Variants in XKR4 observed in about 807,000 individuals in gnomAD.
The protein encoded by XKR4 is XK-related protein 4.
In XKR4, 12 loss-of-function variants were observed where a neutral mutation model predicts 53.9. The observed-to-expected ratio is 0.22, with a 90% CI of 0.14 to 0.36. The LOEUF (loss-of-function observed/expected upper bound fraction) is 0.36. XKR4 is among the 10% of genes least tolerant of loss of function. The pLI is 1.00. For synonymous variants in XKR4, 354 were observed against 362.4 expected (o/e 0.98, Z 0.26); for missense variants, 799 against 859.5 (o/e 0.93, Z 0.88).
At chr8:55,405,250 G>A (rs147863316) in intron 2 of XKR4, among the ~76,000 whole-genome samples, 76 of 152,258 alleles carry the variant, frequency 5.0e-4, no homozygotes, top group Middle Eastern at 6.8e-3. Context: ...AATCAGGCCT[G>A]GCAGCCTGGA....
chr8:55,524,015 T>G lies in XKR4; in HGVS notation c.1741T>G (p.Ser581Ala). 1 of 1,614,132 alleles carries G rather than the reference T, an allele frequency of 6.2e-7. No homozygotes were observed. The highest frequency in any genetic ancestry group is 8.5e-7 in the Non-Finnish European group (1 of 1,180,024). ...CTTTCAAGTGAGGCCCACTGCCCCA[T>G]CCACCCCATCATCTCGCCCACCACG... ...PVFQVRPTAP[S>A]TPSSRPPRIE... The change falls in exon 3 of 3, where the codon TCC becomes GCC. Residue 581 changes from serine (S) to alanine (A), a missense_variant. Ser to Ala is a moderately conservative substitution (Grantham distance 99). This residue lies in a region of XKR4 where 269 missense variants were observed against 264.4 expected (regional missense o/e 1.02). Transcript: ENST00000327381.
intron 1 of XKR4, among the ~76,000 whole-genome samples, chr8:55,231,627 AT>A (rs34441244): frequency 0.27 from 40,215 of 150,416 alleles, 5,629 homozygotes; most frequent in East Asian, 0.49. Context: ...GATCGATCAT[AT>A]TTTTTTTTTC....
chr8:55,380,061 C>A (rs554899298), intron 2 of XKR4, among the ~76,000 whole-genome samples: 1 of 152,210 alleles, frequency 6.6e-6, no homozygotes, highest in Non-Finnish European at 1.5e-5. Context: ...CCTGTTCTAA[C>A]ATAATTAAAC....
At chr8:55,499,614 T>C (rs10504193) in intron 2 of XKR4, among the ~76,000 whole-genome samples, 8,010 of 152,270 alleles carry the variant, frequency 0.053, 605 homozygotes, top group East Asian at 0.28. Flanking sequence ...TATTGTGAGA[T>C]GGCCCCTGGG....
intron 1 of XKR4, among the ~76,000 whole-genome samples, chr8:55,336,778 A>G (rs1433667170): frequency 2.0e-5 from 3 of 152,074 alleles, no homozygotes; most frequent in Non-Finnish European, 4.4e-5. Context: ...TTGATTTACA[A>G]TTTTGGGGGG....
intron 1 of XKR4, among the ~76,000 whole-genome samples, chr8:55,353,531 C>T (rs1279744876): frequency 6.6e-6 from 1 of 152,340 alleles, no homozygotes; most frequent in South Asian, 2.1e-4. Flanking sequence ...TGATTTCAGA[C>T]TTCCAGTCTT....
chr8:55,460,336 C>T (rs534614651), intron 2 of XKR4, among the ~76,000 whole-genome samples: 75 of 152,284 alleles, frequency 4.9e-4, no homozygotes, highest in South Asian at 1.0e-3. Flanking sequence ...ATTCTCAAAT[C>T]GGATTATGAC....
At chr8:55,284,137 G>A (rs919919105) in intron 1 of XKR4, among the ~76,000 whole-genome samples, 1 of 152,130 alleles carries the variant, frequency 6.6e-6, no homozygotes, top group African/African-American at 2.4e-5. Context: ...TTTATGACGA[G>A]ATGATGGCCA....
chr8:55,367,539 G>A (rs1422511047), intron 2 of XKR4, among the ~76,000 whole-genome samples: 1 of 152,148 alleles, frequency 6.6e-6, no homozygotes, highest in African/African-American at 2.4e-5. Context: ...CTGAATGTGA[G>A]TAGATGATGC....
chr8:55,458,211 G>A (rs1271241953), intron 2 of XKR4, among the ~76,000 whole-genome samples: 3 of 152,242 alleles, frequency 2.0e-5, no homozygotes, highest in South Asian at 2.1e-4. Context: ...TTTGGTAAAT[G>A]TATATTTGAA....
intron 2 of XKR4, among the ~76,000 whole-genome samples, chr8:55,407,701 C>T (rs1296315191): frequency 1.3e-5 from 2 of 152,238 alleles, no homozygotes; most frequent in East Asian, 1.9e-4. Flanking sequence ...GCACTGGGCA[C>T]TAGAGGTGCT....
At chr8:55,492,903 A>G (rs1157725769) in intron 2 of XKR4, among the ~76,000 whole-genome samples, 1 of 152,216 alleles carries the variant, frequency 6.6e-6, no homozygotes, top group Non-Finnish European at 1.5e-5. Context: ...CTCTCTCAGC[A>G]CCAGGGGCCT....
intron 2 of XKR4, among the ~76,000 whole-genome samples, chr8:55,419,191 C>A (rs1804891587): frequency 6.6e-6 from 1 of 152,242 alleles, no homozygotes; most frequent in Admixed American, 6.5e-5. Flanking sequence ...TCAAGACCAG[C>A]CTGGCCAACA....
At chr8:55,174,502 G>A (rs1288824275) in intron 1 of XKR4, among the ~76,000 whole-genome samples, 2 of 152,048 alleles carry the variant, frequency 1.3e-5, no homozygotes, top group Non-Finnish European at 2.9e-5. Context: ...CTTGTCATAA[G>A]GCATTTAACA....
chr8:55,493,282 C>A (rs923197829), intron 2 of XKR4, among the ~76,000 whole-genome samples: 2 of 152,146 alleles, frequency 1.3e-5, no homozygotes, highest in African/African-American at 4.8e-5. Context: ...TCTAATTCCT[C>A]ATTTCTCTTC....
chr8:55,436,031 T>C (rs1308102673), intron 2 of XKR4, among the ~76,000 whole-genome samples: 1 of 152,186 alleles, frequency 6.6e-6, no homozygotes, highest in Non-Finnish European at 1.5e-5. Context: ...CAGTACAGCA[T>C]ATTTTTTCTC....
chr8:55,446,143 C>T (rs1281334836), intron 2 of XKR4, among the ~76,000 whole-genome samples: 1 of 146,758 alleles, frequency 6.8e-6, no homozygotes. Context: ...GAAACTATAG[C>T]GTTATTCCCA....
chr8:55,156,346 G>C (rs1026748876), intron 1 of XKR4, among the ~76,000 whole-genome samples: 1 of 150,462 alleles, frequency 6.6e-6, no homozygotes, highest in Non-Finnish European at 1.5e-5. Context: ...GTAAAGACTC[G>C]TAAGGACTTG....
At position 55,494,722 on chromosome 8, in the gene XKR4, C is replaced by T. The variant is rs147848532; in HGVS notation, c.1007-28559C>T. ...CTCCTCTCTATAGCTGGTTGTCTGT[C>T]CTTTCTCCATCCTCTCTTTGAGTCT... On this transcript the variant is annotated intron_variant, in intron 2 of 2. Transcript: ENST00000327381. Among the ~76,000 whole-genome samples, 814 of 152,266 alleles carry T rather than the reference C, an allele frequency of 5.3e-3. 5 individuals are homozygous for T. Among genetic ancestry groups the T allele is most frequent in the Non-Finnish European group, 8.9e-3 (606 of 68,004 alleles).
Sources: gnomAD v4.1 joint callset for allele counts (sites outside exome capture counted in the v4.1 genomes callset) on GRCh38, gnomAD v4.1.1 for gene constraint, gnomAD v4.1.1 regional missense constraint, MANE v1.5 for transcripts, NCBI Gene and HGNC (gene_info 2026-07-23, HGNC 2026-07-21) for gene names.